Variants in SYT16 observed in about 807,000 individuals in gnomAD.
SYT16 encodes synaptotagmin-16.
Under a neutral mutation model 61.4 loss-of-function variants are expected in SYT16, and 42 were observed. The observed-to-expected ratio is 0.68, with a 90% CI of 0.53 to 0.89. The LOEUF (loss-of-function observed/expected upper bound fraction) is 0.89, where lower values mean the gene tolerates loss of function less well. Ranked by LOEUF, SYT16 falls within the 40% of genes least tolerant of loss-of-function variation. The pLI, the probability that SYT16 is intolerant of heterozygous loss-of-function variation, is 0.00. For missense variants in SYT16, 804 were observed against 807.3 expected (o/e 1.00, Z 0.05); for synonymous variants, 314 against 302.3 (o/e 1.04, Z -0.40).
intron 1 of SYT16, among the ~76,000 whole-genome samples, chr14:61,939,241 C>T (rs1255813633): frequency 6.6e-6 from 1 of 152,210 alleles, no homozygotes; most frequent in Non-Finnish European, 1.5e-5. Flanking sequence ...TTCTCTCCTC[C>T]TGTTCCTGAT....
chr14:61,855,972 T>A (rs1434357801), intron 1 of SYT16, among the ~76,000 whole-genome samples: 1 of 152,202 alleles, frequency 6.6e-6, no homozygotes, highest in Non-Finnish European at 1.5e-5. Context: ...CCCATTCAAA[T>A]GTTATCTCCA....
At chr14:62,056,828 G>A (rs529494540) in intron 3 of SYT16, among the ~76,000 whole-genome samples, 86 of 152,340 alleles carry the variant, frequency 5.6e-4, no homozygotes, top group Non-Finnish European at 5.6e-4. Context: ...ACACGGCGGA[G>A]TCCCAGCTTG....
At chr14:62,093,653 C>T (rs183122330) in intron 7 of SYT16, among the ~76,000 whole-genome samples, 1 of 152,182 alleles carries the variant, frequency 6.6e-6, no homozygotes, top group East Asian at 1.9e-4. Context: ...TATTAACTGG[C>T]TTACGAGAAA....
intron 6 of SYT16, 76 bp downstream of exon 6, chr14:62,081,350 G>A (rs567126859): frequency 9.8e-6 from 14 of 1,427,068 alleles, no homozygotes; most frequent in Middle Eastern, 1.8e-4. Flanking sequence ...GATTTAGTAC[G>A]TTCAGTCTGT....
chr14:61,981,444 AT>A (rs926417642), intron 2 of SYT16, among the ~76,000 whole-genome samples: 1 of 152,158 alleles, frequency 6.6e-6, no homozygotes, highest in African/African-American at 2.4e-5. Flanking sequence ...AAAAAAACTT[AT>A]TATGGAAACG....
intron 3 of SYT16, among the ~76,000 whole-genome samples, chr14:62,057,170 G>A (rs904831941): frequency 2.0e-5 from 3 of 152,132 alleles, no homozygotes; most frequent in African/African-American, 7.2e-5. Flanking sequence ...GCCTTTCCCA[G>A]TTCACTCACT....
intron 1 of SYT16, among the ~76,000 whole-genome samples, chr14:61,939,158 C>A (rs757527515): frequency 4.6e-5 from 7 of 151,928 alleles, no homozygotes; most frequent in South Asian, 2.1e-4. Context: ...AACAAAAAAA[C>A]CAAAAAAGGA....
intron 5 of SYT16, chr14:62,077,796 T>C (rs1481344447): frequency 1.3e-5 from 2 of 152,250 alleles, no homozygotes; most frequent in African/African-American, 4.8e-5. Flanking sequence ...CAGCTTGAAT[T>C]GGCCTATCCA....
chr14:61,828,236 G>A (rs2045833450), intron 1 of SYT16, among the ~76,000 whole-genome samples: 2 of 152,148 alleles, frequency 1.3e-5, no homozygotes, highest in Admixed American at 6.5e-5. Flanking sequence ...CACAGTTTGT[G>A]GTACTTTGTT....
At chr14:62,055,270 C>G (rs1043172653) in intron 3 of SYT16, among the ~76,000 whole-genome samples, 1 of 152,160 alleles carries the variant, frequency 6.6e-6, no homozygotes, top group Non-Finnish European at 1.5e-5. Context: ...CAAGCAATTC[C>G]CTTATAGGAG....
chr14:62,080,354 A>G (rs1333735138), intron 5 of SYT16, among the ~76,000 whole-genome samples: 2 of 152,214 alleles, frequency 1.3e-5, no homozygotes, highest in Non-Finnish European at 2.9e-5. Context: ...GATTGAAAAT[A>G]TACTGAAGCA....
chr14:61,842,684 CA>C (rs1361309539), intron 1 of SYT16, among the ~76,000 whole-genome samples: 1 of 151,288 alleles, frequency 6.6e-6, no homozygotes, highest in Non-Finnish European at 1.5e-5. Flanking sequence ...GACAAAAAAC[CA>C]AACACCGCCT....
At chr14:62,070,049 G>C (rs2056240175) in intron 4 of SYT16, among the ~76,000 whole-genome samples, 1 of 152,122 alleles carries the variant, frequency 6.6e-6, no homozygotes, top group African/African-American at 2.4e-5. Context: ...CTAGGTTGTG[G>C]GACCCCTTCC....
At chr14:61,820,992 G>C (rs1413524764) in intron 1 of SYT16, among the ~76,000 whole-genome samples, 2 of 152,040 alleles carry the variant, frequency 1.3e-5, no homozygotes, top group African/African-American at 4.8e-5. Flanking sequence ...GACATTCCCT[G>C]TCTCTCTTGC....
chr14:61,856,396 A>G (rs1226618704), intron 1 of SYT16, among the ~76,000 whole-genome samples: 2 of 152,232 alleles, frequency 1.3e-5, no homozygotes, highest in Non-Finnish European at 1.5e-5. Flanking sequence ...CTTATCTCCA[A>G]TATAATATTT....
At position 61,995,915 on chromosome 14, in the gene SYT16, G is replaced by C. The variant is rs2052747904; in HGVS notation, c.-105G>C. The C allele has an allele frequency of 7.8e-6, 9 of 1,160,056 alleles. No individual in the cohort carries two copies. Among genetic ancestry groups the C allele is most frequent in the Admixed American group, 5.7e-5 (2 of 34,958 alleles). The allele number at this position is 1,160,056 out of a possible 1,614,324, so 71.9% of individuals were successfully genotyped here. On this transcript the variant is annotated 5_prime_UTR_variant, in exon 3 of 8. Coordinates refer to ENST00000683842, the MANE Select transcript of SYT16 (RefSeq NM_001367656.1). ...AGTGAAATATTCACAGCCATTAAGA[G>C]ACCTCCAAATTAATTTCTCAACATG...
At chr14:61,845,807 T>C (rs901064340) in intron 1 of SYT16, among the ~76,000 whole-genome samples, 12 of 152,222 alleles carry the variant, frequency 7.9e-5, no homozygotes, top group Admixed American at 5.9e-4. Flanking sequence ...TAGGCACTTA[T>C]AGCTATAAAC....
At chr14:62,075,925 A>AT (rs2056480698) in intron 5 of SYT16, among the ~76,000 whole-genome samples, 2 of 152,234 alleles carry the variant, frequency 1.3e-5, no homozygotes, top group Admixed American at 1.3e-4. Context: ...TATACAAAAT[A>AT]TATTTTGTGC....
At chr14:61,846,729 C>T (rs1465821931) in intron 1 of SYT16, among the ~76,000 whole-genome samples, 2 of 151,846 alleles carry the variant, frequency 1.3e-5, no homozygotes, top group Non-Finnish European at 1.5e-5. Context: ...TCTTCTCTTC[C>T]TTCTTTCATT....
Sources: allele counts gnomAD v4.1 joint callset (sites outside exome capture counted in the v4.1 genomes callset), GRCh38; gene constraint gnomAD v4.1.1; transcripts MANE v1.5; gene names NCBI Gene and HGNC (gene_info 2026-07-23, HGNC 2026-07-21).